GRM8: variants seen among roughly 807,000 people sequenced by gnomAD.
GRM8 encodes metabotropic glutamate receptor 8.
GRM8 carries 47 observed loss-of-function variants against 87.2 expected under a neutral mutation model. That is an observed-to-expected ratio of 0.54 (90% CI 0.43 to 0.69). The LOEUF (loss-of-function observed/expected upper bound fraction) is 0.69. Among genes scored for constraint, GRM8 ranks in the 30% least tolerant of loss-of-function variants. The pLI, the probability that GRM8 is intolerant of heterozygous loss-of-function variation, is 0.00. For synonymous variants in GRM8, 396 were observed against 404.5 expected (o/e 0.98, Z 0.25); for missense variants, 1,019 against 1,139.2 (o/e 0.89, Z 1.52).
chr7:126,538,472 A>T (rs1361490609), intron 8 of GRM8, among the ~76,000 whole-genome samples: 2 of 151,848 alleles, frequency 1.3e-5, no homozygotes, highest in Non-Finnish European at 2.9e-5. Flanking sequence ...TCTCTAATAC[A>T]ATGTTTTTCC....
At chr7:126,688,645 T>C (rs1808426716) in intron 7 of GRM8, among the ~76,000 whole-genome samples, 2 of 151,992 alleles carry the variant, frequency 1.3e-5, no homozygotes, top group South Asian at 4.1e-4. Context: ...TTGGCAAGTA[T>C]TATAGGAAAT....
intron 9 of GRM8, among the ~76,000 whole-genome samples, chr7:126,493,069 G>T (rs529771509): frequency 6.6e-6 from 1 of 152,060 alleles, no homozygotes; most frequent in Admixed American, 6.6e-5. Flanking sequence ...GTTTTGTTGA[G>T]CTTTGTTTGT....
At chr7:126,822,639 A>C (rs1057514301) in intron 6 of GRM8, among the ~76,000 whole-genome samples, 1 of 151,842 alleles carries the variant, frequency 6.6e-6, no homozygotes, top group Admixed American at 6.6e-5. Flanking sequence ...GCATGGTCAT[A>C]GCACACTACA....
intron 7 of GRM8, among the ~76,000 whole-genome samples, chr7:126,620,597 C>T (rs927377967): frequency 3.3e-5 from 5 of 151,818 alleles, no homozygotes; most frequent in African/African-American, 1.2e-4. Context: ...TGCTTTCTGG[C>T]TCTACCAATT....
intron 3 of GRM8, among the ~76,000 whole-genome samples, chr7:126,973,570 A>G (rs554696018): frequency 1.3e-5 from 2 of 152,348 alleles, no homozygotes; most frequent in African/African-American, 4.8e-5. Context: ...TTTTAAAAAT[A>G]TGCCAAGATC....
intron 8 of GRM8, among the ~76,000 whole-genome samples, chr7:126,566,110 T>A (rs545101049): frequency 6.5e-4 from 99 of 152,294 alleles, no homozygotes; most frequent in African/African-American, 2.2e-3. Context: ...AAAATCTCCA[T>A]GACATTCATC....
At position 126,626,925 on chromosome 7, in the gene GRM8, G is replaced by T. The variant is rs149191938; in HGVS notation, c.1358-17427C>A. 1.3e-4 allele frequency among the ~76,000 whole-genome samples: 20 copies of T among 152,164 alleles called. No homozygotes were observed. In the East Asian group the frequency reaches 2.9e-3, roughly 22 times the overall value. On this transcript the variant is annotated intron_variant, in intron 7 of 10. Transcript: ENST00000339582. ...AACAACACTGTATAGATTATCACTGGAGAATTTATAAAATCTGTAAATCAA... is the reference window on the plus strand; with the variant it reads ...AACAACACTGTATAGATTATCACTGTAGAATTTATAAAATCTGTAAATCAA...
intron 2 of GRM8, among the ~76,000 whole-genome samples, chr7:127,178,553 G>A (rs1450011351): frequency 6.6e-6 from 1 of 152,152 alleles, no homozygotes; most frequent in Non-Finnish European, 1.5e-5. Context: ...ATTGTCATGA[G>A]GTTATCCAAA....
chr7:126,508,768 A>G (rs192174508), intron 9 of GRM8, among the ~76,000 whole-genome samples: 10 of 152,204 alleles, frequency 6.6e-5, no homozygotes, highest in African/African-American at 2.4e-4. Context: ...TCAAATAAAT[A>G]ATCTAGCATG....
At chr7:127,217,275 C>T (rs1796614901) in intron 2 of GRM8, among the ~76,000 whole-genome samples, 1 of 152,110 alleles carries the variant, frequency 6.6e-6, no homozygotes, top group Non-Finnish European at 1.5e-5. Flanking sequence ...TGAAAGGGGA[C>T]ATAATGAACT....
At chr7:126,616,424 G>C (rs1799499604) in intron 7 of GRM8, among the ~76,000 whole-genome samples, 1 of 152,132 alleles carries the variant, frequency 6.6e-6, no homozygotes, top group Non-Finnish European at 1.5e-5. Flanking sequence ...GAGAAAGCAG[G>C]ACAGATCTAA....
At chr7:126,888,967 T>C (rs933497443) in intron 6 of GRM8, among the ~76,000 whole-genome samples, 1 of 152,144 alleles carries the variant, frequency 6.6e-6, no homozygotes, top group South Asian at 2.1e-4. Flanking sequence ...TGGAAAGTGA[T>C]ACATGGGTGG....
chr7:126,761,978 C>T (rs1212978024), intron 7 of GRM8, among the ~76,000 whole-genome samples: 1 of 152,108 alleles, frequency 6.6e-6, no homozygotes, highest in Non-Finnish European at 1.5e-5. Context: ...ATGCTCATGC[C>T]TCTATCATAT....
rs561160952 is a variant in GRM8 at position 127,177,021 on chromosome 7, T to G, written c.510+65674A>C. ...CTCCTGCTCAGAAGTCACGGGAGGG[T>G]GCAAATCTGGTGTGCAGACTCCACA... On this transcript the variant is annotated intron_variant, in intron 2 of 10. Transcript: ENST00000339582. Among the ~76,000 whole-genome samples, 6 of 152,028 alleles carry G rather than the reference T, an allele frequency of 3.9e-5. No individual in the cohort carries two copies. In the South Asian group the frequency reaches 1.2e-3, roughly 32 times the overall value.
At chr7:126,488,156 T>C (rs1807588359) in intron 9 of GRM8, among the ~76,000 whole-genome samples, 1 of 151,790 alleles carries the variant, frequency 6.6e-6, no homozygotes, top group Admixed American at 6.6e-5. Context: ...ATCAATAGCA[T>C]TCAGCTGTAA....
chr7:127,040,177 T>C (rs1818291595), intron 3 of GRM8, among the ~76,000 whole-genome samples: 1 of 150,904 alleles, frequency 6.6e-6, no homozygotes, highest in African/African-American at 2.4e-5. Context: ...TATAGAGGAG[T>C]CCTGTATCTC....
intron 3 of GRM8, among the ~76,000 whole-genome samples, chr7:127,083,451 C>T (rs1453888736): frequency 2.6e-5 from 4 of 152,140 alleles, no homozygotes; most frequent in African/African-American, 7.2e-5. Context: ...ACTCAACCTG[C>T]TGCCTACAGA....
intron 3 of GRM8, chr7:127,075,881 G>T (rs1306113804): frequency 4.5e-6 from 1 of 222,894 alleles, no homozygotes; most frequent in Admixed American, 5.3e-5. Context: ...ACTGACAAGG[G>T]TAGCATTAGT....
At chr7:126,806,148 C>G (rs1422050442) in intron 6 of GRM8, among the ~76,000 whole-genome samples, 1 of 152,120 alleles carries the variant, frequency 6.6e-6, no homozygotes, top group Non-Finnish European at 1.5e-5. Context: ...GAGTTTGTTC[C>G]TTCAGATGTT....
Sources: allele counts gnomAD v4.1 joint callset (sites outside exome capture counted in the v4.1 genomes callset), GRCh38; gene constraint gnomAD v4.1.1; transcripts MANE v1.5; gene names NCBI Gene and HGNC (gene_info 2026-07-23, HGNC 2026-07-21).